Variants in GARRE1 observed in about 807,000 individuals in gnomAD.
The protein encoded by GARRE1 is granule associated Rac and RHOG effector protein 1.
A neutral mutation model predicts 103.2 loss-of-function variants in GARRE1; 49 were observed. The observed-to-expected ratio is 0.47, with a 90% CI of 0.38 to 0.60. The LOEUF (loss-of-function observed/expected upper bound fraction) is 0.60, where lower values mean the gene tolerates loss of function less well. Ranked by LOEUF, GARRE1 falls within the 20% of genes least tolerant of loss-of-function variation. GARRE1 has a pLI of 0.00. For synonymous variants in GARRE1, 505 were observed against 532.8 expected (o/e 0.95, Z 0.72); for missense variants, 1,199 against 1,370.5 (o/e 0.87, Z 1.98).
intron 1 of GARRE1, among the ~76,000 whole-genome samples, chr19:34,262,293 T>TTTTTTTTTTTTTC (rs2073723625): frequency 1.7e-5 from 2 of 117,482 alleles, no homozygotes; most frequent in Non-Finnish European, 3.7e-5. Context: ...GCTGCTTTTT[T>TTTTTTTTTTTTTC]TTTTTTTTTT....
chr19:34,341,392 T>G, intron 9 of GARRE1, 30 bp from the exon 10 acceptor site: 2 of 1,563,952 alleles, frequency 1.3e-6, no homozygotes, highest in South Asian at 2.4e-5. Context: ...TTTGTCTTTT[T>G]TTTTTTTAAA....
intron 7 of GARRE1, among the ~76,000 whole-genome samples, chr19:34,330,907 T>G: frequency 6.6e-6 from 1 of 151,270 alleles, no homozygotes. Context: ...GCTAATTTTT[T>G]TTTTTTTTTT....
Position 34,319,767 on chromosome 19 carries a change from G to A in GARRE1, c.496-140G>A, listed in dbSNP as rs1599771028. The stretch of plus-strand genomic sequence containing the variant: ...AAAAACAAAGGCAGATCCTTCTGAA[G>A]CATGGTGGCCTTTTAACTTTGTATG... On this transcript the variant is annotated intron_variant, in intron 2 of 13. Transcript: ENST00000299505. The A allele has an allele frequency of 1.2e-5, 6 of 508,404 alleles. No homozygotes were observed. In the South Asian group the frequency reaches 1.2e-4, roughly 10 times the overall value. 31.5% of individuals were successfully genotyped at this position (508,404 alleles called of 1,614,324 possible). A position where few individuals can be genotyped will look rare whatever the true frequency, so the allele number is the denominator to read the frequency against.
At position 34,352,839 on chromosome 19, in the gene GARRE1, T is replaced by C; in HGVS notation, c.3097T>C (p.Tyr1033His). The part of the protein sequence containing the change: ...TNDCSAAAFS[Y>H]VQTPPQPPPP... The stretch of plus-strand genomic sequence containing the variant: ...CGACTGCAGTGCCGCTGCCTTCTCC[T>C]ATGTGCAGACCCCACCCCAGCCCCC... Residue 1033 changes from tyrosine to histidine, a missense_variant, in exon 14 of 14, where the codon TAT becomes CAT. By Grantham distance (83) the Tyr-to-His change is moderately conservative. Transcript: ENST00000299505. The C allele has an allele frequency of 6.2e-7, 1 of 1,608,546 alleles. No homozygotes were observed. The highest frequency in any genetic ancestry group is 8.5e-7 in the Non-Finnish European group (1 of 1,177,400).
At chr19:34,259,042 C>T (rs1280028945) in intron 1 of GARRE1, among the ~76,000 whole-genome samples, 1 of 152,128 alleles carries the variant, frequency 6.6e-6, no homozygotes, top group Non-Finnish European at 1.5e-5. Context: ...GTGGTCCATG[C>T]CTATAATTCC....
chr19:34,308,238 CTTTTTTTTTTTTT>C (rs753284001), intron 2 of GARRE1, among the ~76,000 whole-genome samples: 16 of 99,512 alleles, frequency 1.6e-4, no homozygotes, highest in Admixed American at 1.2e-3. Context: ...CATCCTGTTC[CTTTTTTTTTTTTT>C]TTTTTTTTTG....
intron 1 of GARRE1, among the ~76,000 whole-genome samples, chr19:34,298,448 C>T (rs904043923): frequency 1.3e-5 from 2 of 149,442 alleles, no homozygotes; most frequent in Non-Finnish European, 3.0e-5. Flanking sequence ...CGCAGTGGCT[C>T]AGGCCTGTAA....
At chr19:34,328,857 C>T (rs1464765851) in intron 6 of GARRE1, among the ~76,000 whole-genome samples, 1 of 152,160 alleles carries the variant, frequency 6.6e-6, no homozygotes, top group East Asian at 1.9e-4. Flanking sequence ...ATCCACCCTA[C>T]TTGGCCTCCA....
Position 34,300,465 on chromosome 19 carries a change from C to T in GARRE1, c.-9C>T. On this transcript the variant is annotated 5_prime_UTR_variant, in exon 2 of 14. Transcript: ENST00000299505. ...CACTTACGGTTGCTGGGACAATTCC[C>T]CCTCCCGCATGTATTGCTGCAGTGC... is the stretch of plus-strand genomic sequence containing the variant. 1.3e-6 allele frequency: 2 copies of T among 1,537,348 alleles called. No homozygotes were observed. The highest frequency in any genetic ancestry group is 2.0e-5 in the Admixed American group (1 of 48,848).
intron 10 of GARRE1, among the ~76,000 whole-genome samples, chr19:34,343,812 A>C (rs578034098): frequency 6.6e-6 from 1 of 152,376 alleles, no homozygotes; most frequent in South Asian, 2.1e-4. Context: ...ACACCACAGC[A>C]GCCCAGCCTG....
chr19:34,338,718 G>A (rs938898366), intron 8 of GARRE1, among the ~76,000 whole-genome samples: 16 of 152,180 alleles, frequency 1.1e-4, no homozygotes, highest in Admixed American at 3.3e-4. Context: ...AGGCCTCACA[G>A]CTGGGACAAG....
intron 1 of GARRE1, among the ~76,000 whole-genome samples, chr19:34,254,903 A>G (rs1317868231): frequency 6.6e-6 from 1 of 150,698 alleles, no homozygotes; most frequent in Non-Finnish European, 1.5e-5. Flanking sequence ...CGGCCGCGGC[A>G]CCGCAGGGGC....
intron 2 of GARRE1, among the ~76,000 whole-genome samples, chr19:34,301,472 C>G (rs1370987253): frequency 1.4e-5 from 2 of 141,532 alleles, no homozygotes; most frequent in African/African-American, 5.4e-5. Context: ...CGTGATTGCA[C>G]TGCTGTACTC....
chr19:34,278,630 A>G (rs2073832637), intron 1 of GARRE1, among the ~76,000 whole-genome samples: 2 of 152,070 alleles, frequency 1.3e-5, no homozygotes, highest in Middle Eastern at 6.8e-3. Context: ...TTAGCAGAGT[A>G]TCTCCAAGGT....
intron 10 of GARRE1, among the ~76,000 whole-genome samples, chr19:34,347,187 C>T (rs1012000582): frequency 6.6e-5 from 10 of 151,936 alleles, no homozygotes; most frequent in African/African-American, 2.4e-4. Context: ...CGCCTGGGTT[C>T]AAGTGATTGT....
chr19:34,305,991 A>ATT (rs1402286644), intron 2 of GARRE1, among the ~76,000 whole-genome samples: 2 of 152,206 alleles, frequency 1.3e-5, no homozygotes, highest in Non-Finnish European at 2.9e-5. Context: ...TGCCAAGCAT[A>ATT]GGCCCGCAGA....
chr19:34,303,951 A>T (rs1279176459), intron 2 of GARRE1, among the ~76,000 whole-genome samples: 1 of 152,176 alleles, frequency 6.6e-6, no homozygotes, highest in East Asian at 1.9e-4. Flanking sequence ...ATCCTTTAAA[A>T]ATGTAAAAGT....
rs567013149 is a variant in GARRE1 at position 34,257,442 on chromosome 19, A to G, written c.-796+2828A>G. Reference sequence around the variant, plus strand: ...AACCTCCACCTCCCAGGTTCAAGCAATTCTTCTGCCTCAGCCTCCCTAGGA... The same window carrying G: ...AACCTCCACCTCCCAGGTTCAAGCAGTTCTTCTGCCTCAGCCTCCCTAGGA... On this transcript the variant is annotated intron_variant, in intron 1 of 13. Coordinates refer to ENST00000299505, the MANE Select transcript of GARRE1 (RefSeq NM_014686.5). 4.6e-5 allele frequency among the ~76,000 whole-genome samples: 7 copies of G among 152,082 alleles called. No homozygotes were observed. In the South Asian group the frequency reaches 6.2e-4, roughly 14 times the overall value.
intron 3 of GARRE1, among the ~76,000 whole-genome samples, chr19:34,323,671 TCG>T (rs1156952774): frequency 1.3e-5 from 2 of 152,074 alleles, no homozygotes; most frequent in East Asian, 3.9e-4. Context: ...TTTACAACCC[TCG>T]GTGTCCTCCT....
Sources: gnomAD v4.1 joint callset for allele counts (sites outside exome capture counted in the v4.1 genomes callset) on GRCh38, gnomAD v4.1.1 for gene constraint, MANE v1.5 for transcripts, NCBI Gene and HGNC (gene_info 2026-07-23, HGNC 2026-07-21) for gene names.